BICDL1: variants seen among roughly 807,000 people sequenced by gnomAD.
The protein encoded by BICDL1 is BICD family like cargo adaptor 1, also known as BICD family-like cargo adapter 1.
Under a neutral mutation model 76.8 loss-of-function variants are expected in BICDL1, and 20 were observed. The ratio of observed to expected loss-of-function variants is 0.26; its 90% CI spans 0.18 to 0.38. The LOEUF (loss-of-function observed/expected upper bound fraction) is 0.38, where lower values mean the gene tolerates loss of function less well. BICDL1 is among the 10% of genes least tolerant of loss of function. BICDL1 has a pLI of 1.00. For missense variants in BICDL1, 700 were observed against 798.6 expected (o/e 0.88, Z 1.49); for synonymous variants, 383 against 337.1 (o/e 1.14, Z -1.49).
chr12:120,089,606 C>A (rs79863048), intron 8 of BICDL1, among the ~76,000 whole-genome samples: 1,902 of 151,896 alleles, frequency 0.013, 39 homozygotes, highest in East Asian at 0.047. Flanking sequence ...GGTCTCGAAC[C>A]CTCGATCTCA....
At chr12:120,022,488 T>TTG (rs1323818084) in intron 2 of BICDL1, among the ~76,000 whole-genome samples, 2 of 147,052 alleles carry the variant, frequency 1.4e-5, no homozygotes, top group African/African-American at 5.0e-5. Context: ...TTATATATTT[T>TTG]TGTGTATATA....
At chr12:120,078,418 C>T (rs890949205) in intron 7 of BICDL1, among the ~76,000 whole-genome samples, 1 of 152,204 alleles carries the variant, frequency 6.6e-6, no homozygotes, top group African/African-American at 2.4e-5. Context: ...ATTGCGGGGA[C>T]ACCCACCTTA....
intron 1 of BICDL1, among the ~76,000 whole-genome samples, chr12:119,996,366 G>A (rs984413904): frequency 2.0e-5 from 3 of 152,180 alleles, no homozygotes; most frequent in Non-Finnish European, 4.4e-5. Context: ...ACAAAGTAAG[G>A]AGAATAAGAT....
At chr12:120,049,064 G>A (rs1952803707) in intron 2 of BICDL1, among the ~76,000 whole-genome samples, 2 of 152,146 alleles carry the variant, frequency 1.3e-5, no homozygotes, top group Non-Finnish European at 2.9e-5. Context: ...CTTCAAATGA[G>A]GTGAAGGACT....
chr12:119,990,423 T>C, intron 1 of BICDL1, 126 bp downstream of exon 1: 2 of 1,470,328 alleles, frequency 1.4e-6, no homozygotes, highest in African/African-American at 1.4e-5. Context: ...AAATCTGGAA[T>C]GAATGGGGGA....
intron 4 of BICDL1, 65 bp downstream of exon 4, chr12:120,064,944 G>A: frequency 6.6e-7 from 1 of 1,520,448 alleles, no homozygotes; most frequent in Non-Finnish European, 8.8e-7. Context: ...TAGCCAAAAA[G>A]AAAAGGCTGG....
At chr12:120,062,080 T>C (rs1391193899) in intron 3 of BICDL1, among the ~76,000 whole-genome samples, 2 of 152,098 alleles carry the variant, frequency 1.3e-5, no homozygotes, top group South Asian at 2.1e-4. Context: ...TCCAAAAATA[T>C]CCTTGCCAAT....
intron 9 of BICDL1, chr12:120,092,176 AG>A: frequency 1.0e-6 from 1 of 985,446 alleles, no homozygotes; most frequent in Non-Finnish European, 1.2e-6. Flanking sequence ...GTCAGAATCT[AG>A]CCACCAAAAT....
At chr12:120,060,013 C>T (rs1314275169) in intron 2 of BICDL1, among the ~76,000 whole-genome samples, 1 of 152,196 alleles carries the variant, frequency 6.6e-6, no homozygotes, top group Non-Finnish European at 1.5e-5. Flanking sequence ...GTACCCAACC[C>T]AGCCCAAAGT....
chr12:120,090,228 C>T, intron 9 of BICDL1, 157 bp downstream of exon 9: 11 of 822,442 alleles, frequency 1.3e-5, no homozygotes, highest in Non-Finnish European at 2.0e-5. Context: ...GCTCATGTCC[C>T]CTAGTCCTTG....
chr12:120,015,022 A>G (rs6490281), intron 2 of BICDL1, among the ~76,000 whole-genome samples: 47,987 of 151,860 alleles, frequency 0.32, 9,485 homozygotes, highest in African/African-American at 0.56. Context: ...GACAAATCTT[A>G]TGAGAGTCAG....
At chr12:120,080,630 T>G (rs1357668042) in intron 7 of BICDL1, 1 of 347,448 alleles carries the variant, frequency 2.9e-6, no homozygotes, top group East Asian at 5.5e-5. Context: ...AGGGAAGATC[T>G]GGCCTACGGC....
At chr12:120,081,940 A>C (rs888761729) in intron 8 of BICDL1, among the ~76,000 whole-genome samples, 25 of 151,270 alleles carry the variant, frequency 1.7e-4, no homozygotes, top group Middle Eastern at 6.9e-3. Flanking sequence ...AAAAAAAAAA[A>C]ACACAATACA....
intron 6 of BICDL1, 79 bp from the exon 7 acceptor site, chr12:120,074,364 A>G: frequency 1.1e-6 from 1 of 940,832 alleles, no homozygotes; most frequent in Non-Finnish European, 1.3e-6. Flanking sequence ...TCTCTCCCCG[A>G]CTAACCATCT....
At chr12:120,041,051 G>A (rs1476798716) in intron 2 of BICDL1, among the ~76,000 whole-genome samples, 1 of 151,982 alleles carries the variant, frequency 6.6e-6, no homozygotes, top group Non-Finnish European at 1.5e-5. Flanking sequence ...CCAGCCAGCA[G>A]GAAATACTTT....
intron 2 of BICDL1, among the ~76,000 whole-genome samples, chr12:120,009,855 G>C (rs1399007146): frequency 6.6e-6 from 1 of 152,236 alleles, no homozygotes; most frequent in African/African-American, 2.4e-5. Flanking sequence ...TTTTGACACA[G>C]ATAGCATCAT....
chr12:120,033,672 C>T (rs1029156482), intron 2 of BICDL1, among the ~76,000 whole-genome samples: 1 of 152,134 alleles, frequency 6.6e-6, no homozygotes, highest in Non-Finnish European at 1.5e-5. Flanking sequence ...CAGGCATGAG[C>T]CACTGCGGCC....
At chr12:120,005,197 A>G (rs1440906457) in intron 2 of BICDL1, among the ~76,000 whole-genome samples, 1 of 152,218 alleles carries the variant, frequency 6.6e-6, no homozygotes, top group Non-Finnish European at 1.5e-5. Flanking sequence ...ACTGTGAAAT[A>G]ATATTGAGAC....
chr12:120,083,628 A>AT (rs1594214340), intron 8 of BICDL1, among the ~76,000 whole-genome samples: 2 of 143,768 alleles, frequency 1.4e-5, no homozygotes, highest in Non-Finnish European at 3.0e-5. Flanking sequence ...TATTAATAGT[A>AT]GTATTTATTT....
Sources: allele counts gnomAD v4.1 joint callset (sites outside exome capture counted in the v4.1 genomes callset), GRCh38; gene constraint gnomAD v4.1.1; transcripts MANE v1.5; gene names NCBI Gene and HGNC (gene_info 2026-07-23, HGNC 2026-07-21).